The following HPSE2 variants were observed in gnomAD, a reference collection of about 807,000 sequenced individuals.
HPSE2 encodes the protein heparanase 2 (inactive).
A neutral mutation model predicts 60.5 loss-of-function variants in HPSE2; 38 were observed. The ratio of observed to expected loss-of-function variants is 0.63; its 90% confidence interval spans 0.48 to 0.82. The LOEUF (loss-of-function observed/expected upper bound fraction) is 0.82, where lower values mean the gene tolerates loss of function less well. Ranked by LOEUF, HPSE2 falls within the 40% of genes least tolerant of loss-of-function variation. The probability of loss-of-function intolerance (pLI) is 0.00; values close to 1 mark genes in which losing one functional copy is unlikely to be tolerated. For missense variants in HPSE2, 713 were observed against 740.4 expected (o/e 0.96, Z 0.43); for synonymous variants, 295 against 293.2 (o/e 1.01, Z -0.06).
In HPSE2 at chr10:98,620,656, G is replaced by A. The variant is rs751093371; in HGVS notation, c.1151C>T (p.Thr384Ile). The A allele has an allele frequency of 3.8e-5, 61 of 1,614,070 alleles. No homozygotes were observed. The highest frequency in any genetic ancestry group is 4.7e-5 in the Non-Finnish European group (56 of 1,179,966). The change falls in exon 8 of 12, where the codon ACC (threonine) becomes ATC (isoleucine). Residue 384 changes from threonine (T) to isoleucine (I), a missense_variant. Thr to Ile is a moderately conservative substitution (Grantham distance 89). Transcript: ENST00000370552. ...ATTGTTTGTGCCTCCAGCTGAGGTG[G>A]TCACCACACCTTCAAGCCAAATCTT... Reference protein sequence around the residue: ...GKKIWLEGVVTTSAGGTNNLS... With the variant: ...GKKIWLEGVVITSAGGTNNLS...
the HPSE2 span, among the ~76,000 whole-genome samples, chr10:99,265,108 A>G: frequency 6.6e-6 from 1 of 152,228 alleles, no homozygotes; most frequent in African/African-American, 2.4e-5. Flanking sequence ...AATAGCCTTA[A>G]CTGATGACAT....
intron 3 of HPSE2, among the ~76,000 whole-genome samples, chr10:98,991,009 C>G (rs191934945): frequency 1.0e-3 from 152 of 152,314 alleles, no homozygotes; most frequent in Admixed American, 2.9e-3. Flanking sequence ...TATAATTGAT[C>G]ATGCATATTC....
chr10:98,983,284 C>T (rs994284567), intron 3 of HPSE2, among the ~76,000 whole-genome samples: 3 of 152,160 alleles, frequency 2.0e-5, no homozygotes, highest in Non-Finnish European at 2.9e-5. Context: ...TTTCCTCTAA[C>T]TAGATGGTCC....
At chr10:98,921,680 A>T (rs1954285960) in intron 3 of HPSE2, among the ~76,000 whole-genome samples, 1 of 152,162 alleles carries the variant, frequency 6.6e-6, no homozygotes, top group Non-Finnish European at 1.5e-5. Flanking sequence ...CCCAACTGTG[A>T]CATCACTTAT....
At chr10:98,627,003 G>T (rs1007826928) in intron 7 of HPSE2, among the ~76,000 whole-genome samples, 9 of 152,106 alleles carry the variant, frequency 5.9e-5, no homozygotes, top group Non-Finnish European at 1.3e-4. Context: ...TCAATCTCCT[G>T]ACGTCGTGAT....
chr10:99,204,767 A>G (rs190512894), intron 2 of HPSE2, among the ~76,000 whole-genome samples: 1 of 152,376 alleles, frequency 6.6e-6, no homozygotes, highest in East Asian at 1.9e-4. Context: ...AAAGTTGCAG[A>G]TAAACTGCAT....
chr10:99,013,139 T>G (rs1214455962), intron 3 of HPSE2: 8 of 674,014 alleles, frequency 1.2e-5, no homozygotes, highest in Admixed American at 1.8e-5. Flanking sequence ...ATTCAAGTCC[T>G]TGGCACAATC....
intron 3 of HPSE2, among the ~76,000 whole-genome samples, chr10:99,066,047 C>T (rs1842606420): frequency 1.3e-5 from 2 of 152,180 alleles, no homozygotes; most frequent in Non-Finnish European, 2.9e-5. Flanking sequence ...TTTTCTAAAA[C>T]TTTCTCTAGA....
chr10:98,988,049 C>T (rs1380268082), intron 3 of HPSE2, among the ~76,000 whole-genome samples: 1 of 152,114 alleles, frequency 6.6e-6, no homozygotes, highest in Non-Finnish European at 1.5e-5. Context: ...GAATCAATAT[C>T]GTGAAAATGG....
chr10:98,608,944 A>G (rs1057301985), intron 9 of HPSE2, among the ~76,000 whole-genome samples: 3 of 151,802 alleles, frequency 2.0e-5, no homozygotes, highest in Non-Finnish European at 4.4e-5. Flanking sequence ...ATTTTCATAC[A>G]CCCTGTGTGG....
At chr10:99,252,594 C>T in the HPSE2 span, among the ~76,000 whole-genome samples, 78 of 151,996 alleles carry the variant, frequency 5.1e-4, no homozygotes, top group Non-Finnish European at 7.7e-4. Flanking sequence ...AATGAAATAC[C>T]GGCCAGGCGC....
Position 99,045,552 on chromosome 10 carries a change from C to T in HPSE2, c.610+98686G>A, listed in dbSNP as rs117457259. 5.7e-4 allele frequency among the ~76,000 whole-genome samples: 86 copies of T among 152,046 alleles called. 1 individual carries two copies. In the East Asian group the frequency reaches 0.012, roughly 21 times the overall value. Reference sequence around the variant, plus strand: ...GAAAAAATCAATGAAGACAAGAATTCATTCTCCAAAAAAATAAACAAGATT... The same window carrying T: ...GAAAAAATCAATGAAGACAAGAATTTATTCTCCAAAAAAATAAACAAGATT... On this transcript the variant is annotated intron_variant, in intron 3 of 11. Transcript: ENST00000370552.
chr10:98,942,306 G>C (rs1369304126), intron 3 of HPSE2, among the ~76,000 whole-genome samples: 3 of 143,018 alleles, frequency 2.1e-5, no homozygotes, highest in Non-Finnish European at 4.5e-5. Context: ...CTATAAAATG[G>C]GAGAAAATTT....
At chr10:98,877,893 A>G (rs189876230) in intron 3 of HPSE2, among the ~76,000 whole-genome samples, 7 of 152,022 alleles carry the variant, frequency 4.6e-5, no homozygotes, top group Admixed American at 3.9e-4. Context: ...GGATACAGAA[A>G]TAAACAAAAC....
chr10:98,866,960 G>C (rs1053575885), intron 3 of HPSE2, among the ~76,000 whole-genome samples: 2 of 152,104 alleles, frequency 1.3e-5, no homozygotes, highest in Non-Finnish European at 2.9e-5. Context: ...ACTGGAAATG[G>C]TAACTACAGA....
intron 3 of HPSE2, among the ~76,000 whole-genome samples, chr10:98,773,185 A>G (rs1339798370): frequency 6.6e-6 from 1 of 152,186 alleles, no homozygotes; most frequent in Non-Finnish European, 1.5e-5. Flanking sequence ...CTATTCCTTT[A>G]CAGTTTAACT....
chr10:98,697,496 T>C lies in HPSE2; in HGVS notation c.957-3549A>G, dbSNP rs141805157. 7.5e-4 allele frequency among the ~76,000 whole-genome samples: 114 copies of C among 152,112 alleles called. 1 individual carries two copies. The highest frequency in any genetic ancestry group is 2.7e-3 in the African/African-American group (110 of 41,494). ...AGGAATGAACAAACCCTCTGGGAAA[T>C]ATGGGACTATGTAAAAAGACCAAAC... On this transcript the variant is annotated intron_variant, in intron 5 of 11. Coordinates refer to ENST00000370552, the MANE Select transcript of HPSE2 (RefSeq NM_021828.5).
At chr10:99,069,700 GC>G (rs2135544433) in intron 3 of HPSE2, among the ~76,000 whole-genome samples, 1 of 151,304 alleles carries the variant, frequency 6.6e-6, no homozygotes, top group African/African-American at 2.4e-5. Flanking sequence ...GCATAAAATT[GC>G]AATGATAATA....
intron 11 of HPSE2, among the ~76,000 whole-genome samples, chr10:98,473,230 G>C (rs796964235): frequency 3.9e-4 from 59 of 152,142 alleles, no homozygotes; most frequent in African/African-American, 1.4e-3. Flanking sequence ...CATGTCTATA[G>C]TCCTAGCACT....
Sources: gnomAD v4.1 joint callset for allele counts (sites outside exome capture counted in the v4.1 genomes callset) on GRCh38, gnomAD v4.1.1 for gene constraint, MANE v1.5 for transcripts, NCBI Gene and HGNC (gene_info 2026-07-23, HGNC 2026-07-21) for gene names.